The following DDX60L variants were observed in gnomAD, a reference collection of about 807,000 sequenced individuals.
DDX60L encodes the protein probable ATP-dependent RNA helicase DDX60-like.
DDX60L carries 191 observed loss-of-function variants against 211.6 expected under a neutral mutation model. The ratio of observed to expected loss-of-function variants is 0.90; its 90% CI spans 0.80 to 1.02. The LOEUF (loss-of-function observed/expected upper bound fraction) is 1.02. Among genes scored for constraint, DDX60L ranks in the 50% least tolerant of loss-of-function variants. DDX60L has a pLI of 0.00. For missense variants in DDX60L, 2,007 were observed against 1,984.1 expected, an observed-to-expected ratio of 1.01 and a Z score of -0.22; for synonymous variants, 706 against 694.1, an observed-to-expected ratio of 1.02 and a Z score of -0.27.
chr4:168,377,339 T>TAAATAAAA (rs1335643238), intron 33 of DDX60L, among the ~76,000 whole-genome samples: 3 of 123,858 alleles, frequency 2.4e-5, no homozygotes, highest in Non-Finnish European at 5.2e-5. Flanking sequence ...AATAAATAAA[T>TAAATAAAA]AAAAATATCT....
At chr4:168,449,652 C>CAAAAAAAAAAAAAAAAAAAAAAAAAAA in intron 8 of DDX60L, among the ~76,000 whole-genome samples, 5 of 7,932 alleles carry the variant, frequency 6.3e-4, no homozygotes, top group Admixed American at 1.7e-3. Flanking sequence ...AAAAAAAATG[C>CAAAAAAAAAAAAAAAAAAAAAAAAAAA]AAAAAAAAAA....
At chr4:168,452,955 T>TA (rs1756004040) in intron 8 of DDX60L, among the ~76,000 whole-genome samples, 169 bp downstream of exon 8, 1 of 152,170 alleles carries the variant, frequency 6.6e-6, no homozygotes, top group African/African-American at 2.4e-5. Flanking sequence ...ATAAAACAGA[T>TA]ATACTGTGGT....
Position 168,430,486 on chromosome 4 carries a change from T to G in DDX60L, c.1669A>C (p.Ile557Leu), listed in dbSNP as rs1752179848. Residue 557 changes from isoleucine to leucine, a missense_variant, in exon 13 of 38, where the codon ATA (isoleucine) becomes CTA (leucine). Physicochemically the swap from Ile to Leu is conservative, Grantham distance 5 (BLOSUM62 2). Transcript: ENST00000682922. The part of the protein sequence containing the change: ...KEDSSGASGE[I>L]LQNTKPHQIT... Reference sequence around the variant, plus strand: ...AAATCTTTGCGATCTACCTGTAATATTTCACCACTGGCACCACTGGAATCC... The same window carrying G: ...AAATCTTTGCGATCTACCTGTAATAGTTCACCACTGGCACCACTGGAATCC... 6.3e-7 allele frequency: 1 copy of G among 1,591,056 alleles called. No homozygotes were observed. The highest frequency in any genetic ancestry group is 1.2e-5 in the South Asian group (1 of 85,860).
rs769196040 is a variant in DDX60L at position 168,405,954 on chromosome 4, T to C, written c.3209A>G (p.Lys1070Arg). 40 of 1,566,158 alleles carry C rather than the reference T, an allele frequency of 2.6e-5. No homozygotes were observed. The highest frequency in any genetic ancestry group is 4.0e-5 in the Admixed American group (2 of 50,580). ...LTNWIKNGQV[K>R]KVKRVLKNLS... ...CCAAGAAAGTGTGAAAATTACCTTC[T>C]TCACTTGGCCATTTTTAATCCAATT... Residue 1070 changes from lysine to arginine, a missense_variant, in exon 24 of 38, where the codon AAG (lysine) becomes AGG (arginine). Transcript: ENST00000682922.
rs544954179 is a variant in DDX60L, at chr4:168,392,358, T to C, written c.3811-714A>G. The stretch of plus-strand genomic sequence containing the variant: ...TCTCTCTTCCTGTCAAATACACTAA[T>C]ATTAACCTGTGCCATAATTATTTCA... On this transcript the variant is annotated intron_variant, in intron 28 of 37. Coordinates refer to ENST00000682922, the MANE Select transcript of DDX60L (RefSeq NM_001012967.3). Among the ~76,000 whole-genome samples, 166 of 152,312 alleles carry C rather than the reference T, an allele frequency of 1.1e-3. 2 individuals carry two copies. The highest frequency in any genetic ancestry group is 3.8e-3 in the African/African-American group (159 of 41,574).
chr4:168,472,260 C>A (rs970358259), intron 3 of DDX60L, among the ~76,000 whole-genome samples, 195 bp downstream of exon 3: 3 of 152,154 alleles, frequency 2.0e-5, no homozygotes, highest in Non-Finnish European at 4.4e-5. Context: ...CTCCATGAAT[C>A]TGATTGTTTT....
intron 10 of DDX60L, among the ~76,000 whole-genome samples, chr4:168,436,598 A>T (rs1366195803): frequency 6.6e-6 from 1 of 152,188 alleles, no homozygotes; most frequent in African/African-American, 2.4e-5. Flanking sequence ...GAAGGCTGTA[A>T]TTACTCTGAA....
intron 5 of DDX60L, among the ~76,000 whole-genome samples, chr4:168,460,282 A>G (rs1757148042): frequency 1.3e-5 from 2 of 152,222 alleles, no homozygotes; most frequent in African/African-American, 4.8e-5. Context: ...AACTATACCA[A>G]AATAATGAGC....
At chr4:168,389,908 GAC>G (rs1744503245) in intron 29 of DDX60L, among the ~76,000 whole-genome samples, 1 of 152,148 alleles carries the variant, frequency 6.6e-6, no homozygotes, top group African/African-American at 2.4e-5. Flanking sequence ...CTCATTGTAT[GAC>G]AAATCCTTCT....
chr4:168,432,948 A>G, intron 11 of DDX60L, 62 bp downstream of exon 11: 10 of 830,204 alleles, frequency 1.2e-5, no homozygotes, highest in Non-Finnish European at 2.0e-5. Flanking sequence ...TTGATGAGTC[A>G]TTCACTTCAC....
intron 30 of DDX60L, among the ~76,000 whole-genome samples, chr4:168,382,422 A>AT (rs1305321516): frequency 2.6e-5 from 4 of 152,022 alleles, no homozygotes; most frequent in African/African-American, 9.7e-5. Flanking sequence ...GGTATGGGTG[A>AT]TTTTTCCTTC....
At chr4:168,366,831 A>AT (rs1482374713) in intron 36 of DDX60L, among the ~76,000 whole-genome samples, 2 of 151,908 alleles carry the variant, frequency 1.3e-5, no homozygotes, top group Non-Finnish European at 2.9e-5. Flanking sequence ...AAATCCACAC[A>AT]TTTACACCCA....
chr4:168,361,544 A>G (rs2634931), intron 36 of DDX60L: 121,524 of 167,926 alleles, frequency 0.72, 45,111 homozygotes, highest in East Asian at 0.84. Context: ...CTACTTTCTT[A>G]GTTCTATTTC....
At chr4:168,443,075 C>A (rs1487741107) in intron 9 of DDX60L, among the ~76,000 whole-genome samples, 1 of 151,946 alleles carries the variant, frequency 6.6e-6, no homozygotes, top group African/African-American at 2.4e-5. Context: ...GATCAAATTA[C>A]TCTGAGCTAT....
chr4:168,445,445 G>C (rs1754624224), intron 9 of DDX60L, among the ~76,000 whole-genome samples: 2 of 151,920 alleles, frequency 1.3e-5, no homozygotes, highest in Non-Finnish European at 2.9e-5. Context: ...AATTCTACCA[G>C]AGATACAAGG....
intron 29 of DDX60L, among the ~76,000 whole-genome samples, chr4:168,385,289 A>G (rs1221083072): frequency 6.6e-6 from 1 of 152,152 alleles, no homozygotes; most frequent in Non-Finnish European, 1.5e-5. Context: ...AAAAACCTAA[A>G]GGGACTGTCT....
chr4:168,377,332 AAAT>A (rs1742147902), intron 33 of DDX60L, among the ~76,000 whole-genome samples: 1 of 115,792 alleles, frequency 8.6e-6, no homozygotes, highest in African/African-American at 3.5e-5. Flanking sequence ...ATAAATAAAT[AAAT>A]AAATAAAAAT....
chr4:168,442,010 C>CA (rs1753917748), intron 9 of DDX60L, among the ~76,000 whole-genome samples: 3 of 152,014 alleles, frequency 2.0e-5, no homozygotes, highest in Non-Finnish European at 4.4e-5. Context: ...CCAAGATGGC[C>CA]GAATAGGAAC....
chr4:168,460,580 T>C (rs941259641), intron 5 of DDX60L, among the ~76,000 whole-genome samples: 2 of 152,142 alleles, frequency 1.3e-5, no homozygotes, highest in Admixed American at 6.5e-5. Flanking sequence ...TGTCAACCTT[T>C]TATTCGTAAA....
Sources: allele counts gnomAD v4.1 joint callset (sites outside exome capture counted in the v4.1 genomes callset), GRCh38; gene constraint gnomAD v4.1.1; transcripts MANE v1.5; gene names NCBI Gene and HGNC (gene_info 2026-07-23, HGNC 2026-07-21).